Variants in SEZ6L observed in about 807,000 individuals in gnomAD.
The protein encoded by SEZ6L is seizure 6-like protein.
Under a neutral mutation model 106.2 loss-of-function variants are expected in SEZ6L, and 37 were observed. That is an observed-to-expected ratio of 0.35 (90% CI 0.27 to 0.46). The LOEUF is 0.46. Ranked by LOEUF, SEZ6L falls within the 20% of genes least tolerant of loss-of-function variation. The pLI is 1.00. For missense variants in SEZ6L, 1,172 were observed against 1,332.8 expected, an observed-to-expected ratio of 0.88 and a Z score of 1.88; for synonymous variants, 541 against 570.4, an observed-to-expected ratio of 0.95 and a Z score of 0.73.
intron 8 of SEZ6L, 111 bp from the exon 9 acceptor site, chr22:26,313,653 G>C: frequency 7.6e-7 from 1 of 1,309,178 alleles, no homozygotes; most frequent in Non-Finnish European, 1.1e-6. Flanking sequence ...CCTGTCCACA[G>C]TACACAGAGA....
At chr22:26,230,770 G>C (rs931114617) in intron 1 of SEZ6L, among the ~76,000 whole-genome samples, 6 of 152,230 alleles carry the variant, frequency 3.9e-5, no homozygotes, top group Non-Finnish European at 7.3e-5. Context: ...GGAAGAGCCA[G>C]AGAGAATGCA....
chr22:26,202,576 C>T (rs112287630), intron 1 of SEZ6L, among the ~76,000 whole-genome samples: 1,947 of 152,288 alleles, frequency 0.013, 10 homozygotes, highest in African/African-American at 0.017. Flanking sequence ...TAAGCTAGAG[C>T]GACAGGAAGG....
At chr22:26,197,857 C>T (rs764309443) in intron 1 of SEZ6L, among the ~76,000 whole-genome samples, 3 of 152,052 alleles carry the variant, frequency 2.0e-5, no homozygotes, top group Non-Finnish European at 2.9e-5. Context: ...AAGAGAATGC[C>T]GCCATCCAAT....
intron 9 of SEZ6L, among the ~76,000 whole-genome samples, chr22:26,332,747 T>A (rs2082527896): frequency 1.3e-5 from 2 of 152,232 alleles, no homozygotes; most frequent in South Asian, 4.1e-4. Context: ...CATGCCCAGC[T>A]GTTCTGAATA....
intron 1 of SEZ6L, among the ~76,000 whole-genome samples, chr22:26,191,133 C>T (rs940324574): frequency 3.3e-5 from 5 of 152,134 alleles, no homozygotes; most frequent in Admixed American, 3.3e-4. Context: ...CATGCCAGGT[C>T]TCTCTAAGAG....
chr22:26,262,220 G>T (rs893886668), intron 1 of SEZ6L, among the ~76,000 whole-genome samples: 7 of 143,386 alleles, frequency 4.9e-5, no homozygotes, highest in African/African-American at 1.8e-4. Flanking sequence ...ATATATATAT[G>T]CACCTTTTAT....
intron 9 of SEZ6L, among the ~76,000 whole-genome samples, chr22:26,321,982 T>G (rs1042207115): frequency 1.2e-4 from 19 of 152,276 alleles, no homozygotes; most frequent in African/African-American, 4.3e-4. Flanking sequence ...ACCTACTATG[T>G]GCTAGGCAGG....
chr22:26,301,998 A>G (rs145283624), intron 5 of SEZ6L, among the ~76,000 whole-genome samples: 11 of 152,290 alleles, frequency 7.2e-5, no homozygotes, highest in African/African-American at 2.6e-4. Context: ...TTTGGCAAAA[A>G]TGATTGAGGA....
rs539695156 is a variant in SEZ6L, at chr22:26,380,499, C to G, written c.*204C>G. On this transcript the variant is annotated 3_prime_UTR_variant, in exon 17 of 17. Coordinates refer to ENST00000248933, the MANE Select transcript of SEZ6L (RefSeq NM_021115.5). Reference sequence around the variant, plus strand: ...GGTGTGGGTTTGGATGTTTCGCGGCCTCAGCCAAATTCATGTTACAGCCTC... The same window carrying G: ...GGTGTGGGTTTGGATGTTTCGCGGCGTCAGCCAAATTCATGTTACAGCCTC... 1.4e-4 allele frequency: 63 copies of G among 449,742 alleles called. 1 individual carries two copies. In the South Asian group the frequency reaches 3.2e-3, roughly 23 times the overall value. The allele number at this position is 449,742 out of a possible 1,614,324, so 27.9% of individuals were successfully genotyped here.
At chr22:26,202,587 T>C (rs1941031350) in intron 1 of SEZ6L, among the ~76,000 whole-genome samples, 1 of 152,234 alleles carries the variant, frequency 6.6e-6, no homozygotes, top group Non-Finnish European at 1.5e-5. Flanking sequence ...GACAGGAAGG[T>C]GACAGGGGTT....
At chr22:26,322,864 T>C (rs1601498418) in intron 9 of SEZ6L, among the ~76,000 whole-genome samples, 1 of 152,160 alleles carries the variant, frequency 6.6e-6, no homozygotes, top group African/African-American at 2.4e-5. Context: ...AAAACACAAC[T>C]GAACAGAAAC....
Position 26,382,078 on chromosome 22 carries a change from C to G in SEZ6L, c.*1783C>G, listed in dbSNP as rs2084426091. 1.9e-6 allele frequency: 1 copy of G among 518,330 alleles called. No individual in the cohort carries two copies. The highest frequency in any genetic ancestry group is 3.9e-6 in the Non-Finnish European group (1 of 259,618). The allele number at this position is 518,330 out of a possible 1,614,324, so 32.1% of individuals were successfully genotyped here. A position where few individuals can be genotyped will look rare whatever the true frequency, so the allele number is the denominator to read the frequency against. ...GGTCTAAGACCAGAATATTTTCCTT[C>G]TGCCAGAAAAGAATCTTGCACATAT... On this transcript the variant is annotated 3_prime_UTR_variant, in exon 17 of 17. Coordinates refer to ENST00000248933, the MANE Select transcript of SEZ6L (RefSeq NM_021115.5).
chr22:26,379,236 G>T (rs2084333178), intron 16 of SEZ6L, among the ~76,000 whole-genome samples: 1 of 152,234 alleles, frequency 6.6e-6, no homozygotes, highest in Admixed American at 6.5e-5. Context: ...ATGGCAGCTG[G>T]CTTCTTCAGA....
At chr22:26,193,366 G>A (rs1357971467) in intron 1 of SEZ6L, among the ~76,000 whole-genome samples, 3 of 152,128 alleles carry the variant, frequency 2.0e-5, no homozygotes, top group Non-Finnish European at 2.9e-5. Flanking sequence ...GATGAAGCAT[G>A]TTCCACACAG....
At chr22:26,371,006 A>AC (rs1491434121) in intron 13 of SEZ6L, among the ~76,000 whole-genome samples, 1 of 12,960 alleles carries the variant, frequency 7.7e-5, no homozygotes, top group Non-Finnish European at 1.7e-4. Context: ...CCTGTATCAC[A>AC]AAAAAAAAAA....
chr22:26,288,036 A>G (rs1186428383), intron 1 of SEZ6L, among the ~76,000 whole-genome samples: 2 of 152,234 alleles, frequency 1.3e-5, no homozygotes, highest in Non-Finnish European at 2.9e-5. Context: ...GAGTAAGAAC[A>G]GCAGCTGTGA....
Position 26,293,121 on chromosome 22 carries a change from G to A in SEZ6L, c.810G>A (p.Thr270=), listed in dbSNP as rs779239961. 12 of 1,576,698 alleles carry A rather than the reference G, an allele frequency of 7.6e-6. No individual in the cohort carries two copies. Among genetic ancestry groups the A allele is most frequent in the East Asian group, 2.3e-5 (1 of 43,628 alleles). Residue 270 remains threonine, a synonymous_variant, in exon 2 of 17, where the codon ACG becomes ACA. Coordinates refer to ENST00000248933, the MANE Select transcript of SEZ6L (RefSeq NM_021115.5). The part of the protein sequence containing the change: ...ETTTSTIITT[T]VITTEQAPAL... ...CTACCTCCACCATTATCACCACCAC[G>A]GTCATCACCACCGAGCAGGCACCAG... is the stretch of plus-strand genomic sequence containing the variant.
In SEZ6L at chr22:26,209,811, A is replaced by C. The variant is rs556631153; in HGVS notation, c.94+40048A>C. Among the ~76,000 whole-genome samples, 13 of 147,946 alleles carry C rather than the reference A, an allele frequency of 8.8e-5. No homozygotes were observed. The South Asian group carries it at 2.9e-3, about 33-fold the overall frequency. On this transcript the variant is annotated intron_variant, in intron 1 of 16. Coordinates refer to ENST00000248933, the MANE Select transcript of SEZ6L (RefSeq NM_021115.5). ...GGAAGGAACAAAGATGAATAGATGG[A>C]TAGATGGAAGAAAGGAAAAAAGTAG...
At chr22:26,373,602 G>T in intron 14 of SEZ6L, 119 bp downstream of exon 14, 1 of 770,830 alleles carries the variant, frequency 1.3e-6, no homozygotes. Flanking sequence ...TCTACCTTCA[G>T]ACTGCCAAAG....
Sources: allele counts gnomAD v4.1 joint callset (sites outside exome capture counted in the v4.1 genomes callset), GRCh38; gene constraint gnomAD v4.1.1; transcripts MANE v1.5; gene names NCBI Gene and HGNC (gene_info 2026-07-23, HGNC 2026-07-21).